Variants in MYT1L observed in about 807,000 individuals in gnomAD.
MYT1L encodes the protein myelin transcription factor 1-like protein.
Under a neutral mutation model 126.7 loss-of-function variants are expected in MYT1L, and 12 were observed. The ratio of observed to expected loss-of-function variants is 0.09; its 90% CI spans 0.06 to 0.15. The LOEUF (loss-of-function observed/expected upper bound fraction) is 0.15. Among genes scored for constraint, MYT1L ranks in the 10% least tolerant of loss-of-function variants. The pLI is 1.00. For synonymous variants in MYT1L, 541 were observed against 604.2 expected (o/e 0.90, Z 1.53); for missense variants, 979 against 1,585.2 (o/e 0.62, Z 6.49).
chr2:1,852,519 C>G lies in MYT1L; in HGVS notation c.2712-816G>C, dbSNP rs2043404390. ...AAAAGAGCTTTATAATTATATTGCC[C>G]TCCATATAACTTCTTAACTATGCTG... On this transcript the variant is annotated intron_variant, in intron 18 of 24. Transcript: ENST00000647738. This position sits in a 1 kb window ranked among gnomAD's most constrained non-coding sequence, Gnocchi z 4.0. Among the ~76,000 whole-genome samples, 2 of 151,898 alleles carry G rather than the reference C, an allele frequency of 1.3e-5. No homozygotes were observed. The highest frequency in any genetic ancestry group is 6.6e-5 in the Admixed American group (1 of 15,234).
chr2:2,076,496 C>G (rs1376520090), intron 3 of MYT1L, among the ~76,000 whole-genome samples: 1 of 152,106 alleles, frequency 6.6e-6, no homozygotes, highest in Non-Finnish European at 1.5e-5. Context: ...AAAGCCAGGC[C>G]TTAAAAACTA....
At chr2:2,153,948 G>A (rs1272284099) in intron 3 of MYT1L, among the ~76,000 whole-genome samples, 1 of 152,138 alleles carries the variant, frequency 6.6e-6, no homozygotes, top group Non-Finnish European at 1.5e-5. Flanking sequence ...GTGGACTAGT[G>A]CCGGAGAGGG....
chr2:2,057,767 T>A (rs550104911), intron 3 of MYT1L, among the ~76,000 whole-genome samples: 1 of 152,366 alleles, frequency 6.6e-6, no homozygotes, highest in South Asian at 2.1e-4. Flanking sequence ...ATCTGGGTTG[T>A]ATCAATAGTT....
chr2:2,329,610 T>C (rs1313786642), intron 1 of MYT1L, among the ~76,000 whole-genome samples: 2 of 152,120 alleles, frequency 1.3e-5, no homozygotes, highest in Non-Finnish European at 2.9e-5. Flanking sequence ...TATAAAGAAA[T>C]ATGGCTGATT....
At chr2:1,951,216 G>C (rs1019978445) in intron 8 of MYT1L, among the ~76,000 whole-genome samples, 1 of 152,126 alleles carries the variant, frequency 6.6e-6, no homozygotes, top group Non-Finnish European at 1.5e-5. Context: ...TGTTGGTTTG[G>C]GGCAGTCAGT....
At chr2:1,937,958 T>G (rs1391340247) in intron 9 of MYT1L, among the ~76,000 whole-genome samples, 1 of 152,192 alleles carries the variant, frequency 6.6e-6, no homozygotes, top group East Asian at 1.9e-4. Flanking sequence ...GTCACCGGAT[T>G]TAGCCCCGTG....
chr2:2,019,969 C>T (rs763225861), intron 4 of MYT1L, among the ~76,000 whole-genome samples: 1 of 152,092 alleles, frequency 6.6e-6, no homozygotes. Flanking sequence ...CTCAGCCTCC[C>T]GAGTAGGTGA....
chr2:2,216,831 T>A lies in MYT1L; in HGVS notation c.-420-43843A>T, dbSNP rs539706128. 1.8e-4 allele frequency among the ~76,000 whole-genome samples: 27 copies of A among 150,966 alleles called. No homozygotes were observed. The South Asian group carries it at 5.5e-3, about 31-fold the overall frequency. ...AGAACACAATTACCAATGTCAGGAG[T>A]AAGAGAGAAAATGTCAATAGTGAGC... On this transcript the variant is annotated intron_variant, in intron 2 of 24. Coordinates refer to ENST00000647738, the MANE Select transcript of MYT1L (RefSeq NM_001303052.2).
intron 5 of MYT1L, among the ~76,000 whole-genome samples, chr2:1,987,186 G>A (rs1361567670): frequency 5.9e-5 from 9 of 152,102 alleles, no homozygotes; most frequent in East Asian, 1.9e-4. Context: ...GGGGGTACCC[G>A]AACAGTCTCA....
chr2:2,003,100 G>A (rs114656627), intron 4 of MYT1L, among the ~76,000 whole-genome samples: 6,772 of 152,026 alleles, frequency 0.045, 246 homozygotes, highest in African/African-American at 0.1. Flanking sequence ...TCAACCCCAC[G>A]GTAAGCTTAC....
At chr2:2,307,425 T>C (rs974121475) in intron 1 of MYT1L, among the ~76,000 whole-genome samples, 1 of 152,006 alleles carries the variant, frequency 6.6e-6, no homozygotes, top group Non-Finnish European at 1.5e-5. Context: ...ATGGAAGAAA[T>C]GGCAGGGATA....
chr2:2,238,602 C>T (rs2094374536), intron 2 of MYT1L, among the ~76,000 whole-genome samples: 1 of 152,182 alleles, frequency 6.6e-6, no homozygotes, highest in Non-Finnish European at 1.5e-5. Flanking sequence ...GGATCGGCAC[C>T]CACCAGCAGA....
rs2043411980 is a variant in MYT1L, at chr2:1,852,579, C to T, written c.2712-876G>A. On this transcript the variant is annotated intron_variant, in intron 18 of 24. Transcript: ENST00000647738. This position sits in a 1 kb window ranked among gnomAD's most constrained non-coding sequence, Gnocchi z 4.0. ...TAATGAGATCAACTTCTTAACTATG[C>T]TGTCTCAAGAATAATGAGATCACAC... Among the ~76,000 whole-genome samples, 1 of 152,030 alleles carries T rather than the reference C, an allele frequency of 6.6e-6. No homozygotes were observed. The highest frequency in any genetic ancestry group is 1.5e-5 in the Non-Finnish European group (1 of 67,938).
At chr2:2,004,779 C>CAGGCGTTCTTTCCTGA (rs2062993761) in intron 4 of MYT1L, among the ~76,000 whole-genome samples, 2 of 149,088 alleles carry the variant, frequency 1.3e-5, no homozygotes, top group African/African-American at 2.5e-5. Flanking sequence ...TTCTTTCCTG[C>CAGGCGTTCTTTCCTGA]AGGCATTCTT....
intron 3 of MYT1L, among the ~76,000 whole-genome samples, chr2:2,063,349 G>C (rs546765376): frequency 1.1e-3 from 174 of 152,188 alleles, no homozygotes; most frequent in Non-Finnish European, 2.0e-3. Context: ...CGAACATCTA[G>C]AGATCTTCAT....
At chr2:2,286,128 G>T (rs767870692) in intron 1 of MYT1L, among the ~76,000 whole-genome samples, 5 of 152,096 alleles carry the variant, frequency 3.3e-5, no homozygotes, top group Non-Finnish European at 7.3e-5. Context: ...GAATACTGGC[G>T]TGTGCCACCA....
intron 2 of MYT1L, among the ~76,000 whole-genome samples, chr2:2,278,692 C>T (rs2095403531): frequency 6.6e-6 from 1 of 152,070 alleles, no homozygotes; most frequent in Non-Finnish European, 1.5e-5. Context: ...TATGTAATAT[C>T]ATGTAGATGT....
intron 19 of MYT1L, among the ~76,000 whole-genome samples, chr2:1,850,032 GA>G (rs202171586): frequency 0.13 from 15,055 of 112,582 alleles, 1,014 homozygotes; most frequent in African/African-American, 0.2. Flanking sequence ...GCGGGGTGGT[GA>G]GGGGGGGGCC....
At chr2:2,176,547 G>A (rs1282295035) in intron 2 of MYT1L, among the ~76,000 whole-genome samples, 1 of 149,948 alleles carries the variant, frequency 6.7e-6, no homozygotes, top group Non-Finnish European at 1.5e-5. Flanking sequence ...CACCCAGGCT[G>A]GAGTGCAGTG....
Sources: gnomAD v4.1 joint callset for allele counts (sites outside exome capture counted in the v4.1 genomes callset) on GRCh38, gnomAD v4.1.1 for gene constraint, Gnocchi (gnomAD v3.1) non-coding constraint, MANE v1.5 for transcripts, NCBI Gene and HGNC (gene_info 2026-07-23, HGNC 2026-07-21) for gene names.